Variants in KIAA1549L observed in about 807,000 individuals in gnomAD.
The protein encoded by KIAA1549L is UPF0606 protein KIAA1549L.
Under a neutral mutation model 160.7 loss-of-function variants are expected in KIAA1549L, and 88 were observed. The observed-to-expected ratio is 0.55, with a 90% CI of 0.46 to 0.65. The LOEUF is 0.65. KIAA1549L is among the 30% of genes least tolerant of loss of function. KIAA1549L has a pLI of 0.00. For synonymous variants in KIAA1549L, 950 were observed against 976.7 expected (o/e 0.97, Z 0.51); for missense variants, 2,258 against 2,437.5 (o/e 0.93, Z 1.55).
intron 1 of KIAA1549L, among the ~76,000 whole-genome samples, chr11:33,487,289 G>T (rs1590281301): frequency 1.3e-5 from 2 of 152,138 alleles, no homozygotes; most frequent in East Asian, 1.9e-4. Flanking sequence ...AATTTGGAGG[G>T]GTGGGACTGT....
chr11:33,582,787 A>C (rs927102793), intron 10 of KIAA1549L, among the ~76,000 whole-genome samples: 1 of 152,152 alleles, frequency 6.6e-6, no homozygotes. Context: ...GAACAGCCTG[A>C]GTCTTTTGAC....
At chr11:33,521,478 G>A (rs1483593569) in intron 1 of KIAA1549L, among the ~76,000 whole-genome samples, 1 of 152,196 alleles carries the variant, frequency 6.6e-6, no homozygotes, top group East Asian at 1.9e-4. Flanking sequence ...GTTCACATTT[G>A]CAAACACTTA....
At chr11:33,404,832 A>G (rs1287874185) in intron 1 of KIAA1549L, among the ~76,000 whole-genome samples, 5 of 152,024 alleles carry the variant, frequency 3.3e-5, no homozygotes, top group Non-Finnish European at 7.4e-5. Flanking sequence ...CAACATGGTG[A>G]AACCGGTCTC....
intron 1 of KIAA1549L, among the ~76,000 whole-genome samples, chr11:33,511,327 T>C (rs1853222582): frequency 6.6e-6 from 1 of 152,216 alleles, no homozygotes; most frequent in East Asian, 1.9e-4. Flanking sequence ...CCTTCCCTGC[T>C]TATACTGGCT....
At chr11:33,577,414 T>C (rs949480299) in intron 10 of KIAA1549L, among the ~76,000 whole-genome samples, 5 of 152,090 alleles carry the variant, frequency 3.3e-5, no homozygotes, top group Admixed American at 3.3e-4. Context: ...GATGCTGTCA[T>C]GGAGAGGGAG....
At chr11:33,495,516 C>T (rs1337726328) in intron 1 of KIAA1549L, among the ~76,000 whole-genome samples, 1 of 152,036 alleles carries the variant, frequency 6.6e-6, no homozygotes, top group Non-Finnish European at 1.5e-5. Context: ...TTTCTTAATC[C>T]AGTCTATCAT....
chr11:33,618,694 C>T (rs775244877), intron 16 of KIAA1549L, 32 bp downstream of exon 16: 6 of 1,520,924 alleles, frequency 3.9e-6, no homozygotes, highest in Non-Finnish European at 4.4e-6. Context: ...TAAATACAAG[C>T]TTTCCTTTCC....
At chr11:33,441,623 G>C (rs1251725388) in intron 1 of KIAA1549L, among the ~76,000 whole-genome samples, 2 of 152,146 alleles carry the variant, frequency 1.3e-5, no homozygotes, top group Non-Finnish European at 2.9e-5. Flanking sequence ...TAACTTGTGT[G>C]AGATGGTATC....
chr11:33,385,168 T>A (rs1850149642), intron 1 of KIAA1549L, among the ~76,000 whole-genome samples: 1 of 152,180 alleles, frequency 6.6e-6, no homozygotes, highest in South Asian at 2.1e-4. Context: ...TCAAGGTTAA[T>A]TTTTTTATAT....
At chr11:33,509,981 C>T (rs1284808137) in intron 1 of KIAA1549L, among the ~76,000 whole-genome samples, 1 of 152,282 alleles carries the variant, frequency 6.6e-6, no homozygotes, top group Non-Finnish European at 1.5e-5. Context: ...ATTCTACACA[C>T]AGCATCAAAT....
At chr11:33,423,815 C>T (rs1050210396) in intron 1 of KIAA1549L, among the ~76,000 whole-genome samples, 2 of 152,094 alleles carry the variant, frequency 1.3e-5, no homozygotes, top group Non-Finnish European at 2.9e-5. Flanking sequence ...ATTGCTTCAG[C>T]CTAGGAATTT....
At chr11:33,509,949 G>A (rs1030688446) in intron 1 of KIAA1549L, among the ~76,000 whole-genome samples, 2 of 152,104 alleles carry the variant, frequency 1.3e-5, no homozygotes, top group Non-Finnish European at 2.9e-5. Context: ...CTCTGCTGGT[G>A]CCACATTTCA....
chr11:33,609,840 C>T lies in KIAA1549L; in HGVS notation c.5153C>T (p.Pro1718Leu), dbSNP rs1172587482. 6.2e-7 allele frequency: 1 copy of T among 1,613,768 alleles called. No homozygotes were observed. The highest frequency in any genetic ancestry group is 8.5e-7 in the Non-Finnish European group (1 of 1,179,818). The change falls in exon 15 of 21, where the codon CCT becomes CTT. Residue 1718 changes from proline (P) to leucine (L), a missense_variant. Coordinates refer to ENST00000658780, the MANE Select transcript of KIAA1549L (RefSeq NM_012194.3). ...KAKRKGYYDF[P>L]AVETSKGLTE... ...AAGAGGAAGGGATATTACGACTTCC[C>T]TGCAGTGGAGACGAGCAAGGGTCTG...
At chr11:33,444,215 T>C (rs534677353) in intron 1 of KIAA1549L, among the ~76,000 whole-genome samples, 1 of 152,348 alleles carries the variant, frequency 6.6e-6, no homozygotes, top group Admixed American at 6.5e-5. Flanking sequence ...ATTGTTCTTT[T>C]CGGTAGCTAT....
chr11:33,419,600 C>T (rs187551837), intron 1 of KIAA1549L, among the ~76,000 whole-genome samples: 68 of 152,158 alleles, frequency 4.5e-4, no homozygotes, highest in African/African-American at 1.6e-3. Flanking sequence ...AATCCCAGCA[C>T]TTTGGGAGGC....
intron 16 of KIAA1549L, among the ~76,000 whole-genome samples, chr11:33,633,967 T>G (rs1216494180): frequency 3.3e-5 from 5 of 152,198 alleles, no homozygotes; most frequent in African/African-American, 7.2e-5. Context: ...CATTAGCTAT[T>G]ATAACTCCCC....
In KIAA1549L at chr11:33,597,854, C is replaced by T. The variant is rs117587902; in HGVS notation, c.4752-966C>T. 3.2e-4 allele frequency among the ~76,000 whole-genome samples: 49 copies of T among 152,302 alleles called. 1 individual carries two copies. In the East Asian group the frequency reaches 7.9e-3, roughly 25 times the overall value. On this transcript the variant is annotated intron_variant, in intron 12 of 20. Coordinates refer to ENST00000658780, the MANE Select transcript of KIAA1549L (RefSeq NM_012194.3). Reference sequence around the variant, plus strand: ...GGGAGCCTGGCTTCCAGGACTGATTCGCCACTTTCCTACTATGTCCTAGAC... The same window carrying T: ...GGGAGCCTGGCTTCCAGGACTGATTTGCCACTTTCCTACTATGTCCTAGAC...
At chr11:33,454,798 A>AGGGG (rs1851788426) in intron 1 of KIAA1549L, among the ~76,000 whole-genome samples, 1 of 152,154 alleles carries the variant, frequency 6.6e-6, no homozygotes, top group Admixed American at 6.5e-5. Flanking sequence ...GTTTTAAAAA[A>AGGGG]CCATTTGGTG....
Position 33,631,605 on chromosome 11 carries a change from G to A in KIAA1549L, c.5409+12943G>A, listed in dbSNP as rs543025373. ...CAGGCATTGCAGATGTCCCCTGGTG[G>A]TCAAACCTGCTCCTGGCTGAGAACT... On this transcript the variant is annotated intron_variant, in intron 16 of 20. Transcript: ENST00000658780. Among the ~76,000 whole-genome samples the A allele has an allele frequency of 5.9e-5, 9 of 152,292 alleles. 1 individual carries two copies. In the South Asian group the frequency reaches 1.9e-3, roughly 32 times the overall value.
Sources: allele counts gnomAD v4.1 joint callset (sites outside exome capture counted in the v4.1 genomes callset), GRCh38; gene constraint gnomAD v4.1.1; transcripts MANE v1.5; gene names NCBI Gene and HGNC (gene_info 2026-07-23, HGNC 2026-07-21).